OGN: variants seen among roughly 807,000 people sequenced by gnomAD.
OGN encodes mimecan.
In OGN, 19 loss-of-function variants were observed where a neutral mutation model predicts 30.8. That is an observed-to-expected ratio of 0.62 (90% confidence interval 0.43 to 0.90). The LOEUF (loss-of-function observed/expected upper bound fraction) is 0.90. Among genes scored for constraint, OGN ranks in the 40% least tolerant of loss-of-function variants. The pLI is 0.00. For missense variants in OGN, 283 were observed against 349.7 expected, an observed-to-expected ratio of 0.81 and a Z score of 1.52; for synonymous variants, 126 against 128.3, an observed-to-expected ratio of 0.98 and a Z score of 0.12.
chr9:92,399,605 C>T (rs1843026764), intron 3 of OGN, among the ~76,000 whole-genome samples: 1 of 152,140 alleles, frequency 6.6e-6, no homozygotes, highest in Non-Finnish European at 1.5e-5. Flanking sequence ...TTGAGGCACC[C>T]TGCACCCAGA....
chr9:92,385,654 C>G lies in OGN; in HGVS notation c.863G>C (p.Cys288Ser). The G allele has an allele frequency of 6.2e-7, 1 of 1,614,032 alleles. No individual in the cohort carries two copies. The highest frequency in any genetic ancestry group is 8.5e-7 in the Non-Finnish European group (1 of 1,179,972). The change falls in exon 7 of 7, where the codon TGC (cysteine) becomes TCC (serine). Residue 288 changes from cysteine to serine, a missense_variant. Coordinates refer to ENST00000375561, the MANE Select transcript of OGN (RefSeq NM_014057.5). ...VLGKHPNSFI[C>S]LKRLPIGSYF The stretch of plus-strand genomic sequence containing the variant: ...TGACCCTATCGGTAATCTTTTTAAG[C>G]AAATAAAACTGTTTGGATGCTTTCC...
At chr9:92,399,657 A>G (rs1843028443) in intron 3 of OGN, among the ~76,000 whole-genome samples, 1 of 152,086 alleles carries the variant, frequency 6.6e-6, no homozygotes, top group Non-Finnish European at 1.5e-5. Context: ...ATACATTCAG[A>G]TTGCTAATCT....
intron 3 of OGN, among the ~76,000 whole-genome samples, chr9:92,399,394 C>T (rs375015797): frequency 4.6e-5 from 7 of 151,756 alleles, no homozygotes; most frequent in South Asian, 2.1e-4. Flanking sequence ...CTCTTTTCCT[C>T]GATTTTTAAG....
intron 1 of OGN, among the ~76,000 whole-genome samples, chr9:92,403,956 AGAATATAG>A (rs1239203135): frequency 1.3e-5 from 2 of 152,212 alleles, no homozygotes; most frequent in Non-Finnish European, 2.9e-5. Context: ...TAGGTGGTAC[AGAATATAG>A]GAAAAGCCAT....
chr9:92,402,646 A>G (rs937723623), intron 2 of OGN, among the ~76,000 whole-genome samples: 2 of 152,214 alleles, frequency 1.3e-5, no homozygotes, highest in Non-Finnish European at 2.9e-5. Context: ...AGACAGTTAC[A>G]GTTACTTGGT....
intron 3 of OGN, among the ~76,000 whole-genome samples, chr9:92,398,491 C>T (rs1280685166): frequency 6.6e-6 from 1 of 151,886 alleles, no homozygotes; most frequent in Non-Finnish European, 1.5e-5. Context: ...TTTCTTATAT[C>T]CTTTTCTTTC....
In OGN at chr9:92,385,595, C is replaced by G; in HGVS notation, c.*25G>C. The G allele has an allele frequency of 6.2e-7, 1 of 1,602,198 alleles. No homozygotes were observed. The highest frequency in any genetic ancestry group is 8.5e-7 in the Non-Finnish European group (1 of 1,169,890). ...CAGACTATTAGTGTAGGTGTACTTTCATTTATATGTTGTACCAATAGAGGT... is the reference window on the plus strand; with the variant it reads ...CAGACTATTAGTGTAGGTGTACTTTGATTTATATGTTGTACCAATAGAGGT... On this transcript the variant is annotated 3_prime_UTR_variant, in exon 7 of 7. Transcript: ENST00000375561.
intron 1 of OGN, among the ~76,000 whole-genome samples, chr9:92,404,051 T>G (rs1449130880): frequency 2.6e-5 from 4 of 152,214 alleles, no homozygotes. Context: ...ATTTTTAATT[T>G]AAGCTAAGAA....
rs758324112 is a variant in OGN at position 92,384,880 on chromosome 9, A to T, written c.*740T>A. On this transcript the variant is annotated 3_prime_UTR_variant, in exon 7 of 7. Transcript: ENST00000375561. ...ACTTTTCATTATTTCTTATAAGCAT[A>T]TTGGTTTTGGCCTGCTTGAGTTTAA... 6.6e-6 allele frequency: 1 copy of T among 152,478 alleles called. No homozygotes were observed. Among genetic ancestry groups the T allele is most frequent in the Non-Finnish European group, 1.5e-5 (1 of 67,996 alleles). The allele number at this position is 152,478 out of a possible 1,614,324, so 9.4% of individuals were successfully genotyped here.
chr9:92,389,884 C>G lies in OGN; in HGVS notation c.600G>C (p.Lys200Asn). The change falls in exon 5 of 7, where the codon AAG becomes AAC. Residue 200 changes from lysine (K) to asparagine (N), a missense_variant. Coordinates refer to ENST00000375561, the MANE Select transcript of OGN (RefSeq NM_014057.5). ...ATGCATTTGCTTTGATTCCCCTACT[C>G]TTGATTTTGTTGTATTTTGCATTAA... is the stretch of plus-strand genomic sequence containing the variant. ...TLFNAKYNKIKSRGIKANAFK... is the reference protein window; with the variant it reads ...TLFNAKYNKINSRGIKANAFK... 6.2e-7 allele frequency: 1 copy of G among 1,612,640 alleles called. No homozygotes were observed. Among genetic ancestry groups the G allele is most frequent in the Non-Finnish European group, 8.5e-7 (1 of 1,179,194 alleles).
rs369320965 is a variant in OGN, at chr9:92,386,309, T to C, written c.631-13A>G. On this transcript the variant is annotated splice_polypyrimidine_tract_variant and intron_variant, in intron 5 of 6. Transcript: ENST00000375561. ...GGTTATTCAGTTTCTGTAAGGAAAA[T>C]TTCATGTGAGTGTTATTGAGGTTCT... 65 of 1,560,706 alleles carry C rather than the reference T, an allele frequency of 4.2e-5. No individual in the cohort carries two copies. The African/African-American group carries it at 7.6e-4, about 18-fold the overall frequency.
chr9:92,383,954 TA>T lies in OGN; in HGVS notation c.*1665del, dbSNP rs1376615067. 6.6e-6 allele frequency: 1 copy of T among 152,168 alleles called. No homozygotes were observed. Among genetic ancestry groups the T allele is most frequent in the Non-Finnish European group, 1.5e-5 (1 of 67,986 alleles). 9.4% of individuals were successfully genotyped at this position (152,168 alleles called of 1,614,324 possible). A position where few individuals can be genotyped will look rare whatever the true frequency, so the allele number is the denominator to read the frequency against. On this transcript the variant is annotated 3_prime_UTR_variant, in exon 7 of 7. Transcript: ENST00000375561. ...AGTTTAAAGATTCAATTTTTCCAAA[TA>T]AAACAGAACCCTTCTATTTAGATGG...
intron 3 of OGN, among the ~76,000 whole-genome samples, chr9:92,394,690 C>T (rs532881515): frequency 4.0e-5 from 6 of 150,126 alleles, no homozygotes; most frequent in East Asian, 2.0e-4. Context: ...CTGCAGTCTC[C>T]GCCTCCCGGG....
At chr9:92,393,015 A>T in intron 4 of OGN, 71 bp downstream of exon 4, 1 of 1,275,024 alleles carries the variant, frequency 7.8e-7, no homozygotes, top group Non-Finnish European at 1.1e-6. Context: ...GCAACTATAT[A>T]GAAACTTGTG....
intron 3 of OGN, 37 bp downstream of exon 3, chr9:92,401,055 A>C: frequency 1.0e-6 from 1 of 971,680 alleles, no homozygotes; most frequent in Non-Finnish European, 1.6e-6. Flanking sequence ...AGCTATTTTT[A>C]AAAGATCCAT....
chr9:92,387,419 A>G (rs1842480522), intron 5 of OGN, among the ~76,000 whole-genome samples: 1 of 152,084 alleles, frequency 6.6e-6, no homozygotes. Context: ...ATGTTTCCCA[A>G]AGCAGTTTAG....
At position 92,383,387 on chromosome 9, in the gene OGN, A is replaced by G. The variant is rs535551872; in HGVS notation, c.*2233T>C. Reference sequence around the variant, plus strand: ...GTTCAGTCTGCATATCATATTGGATAGTATTGTTGTCTTAACAACATTAAA... The same window carrying G: ...GTTCAGTCTGCATATCATATTGGATGGTATTGTTGTCTTAACAACATTAAA... On this transcript the variant is annotated 3_prime_UTR_variant, in exon 7 of 7. Transcript: ENST00000375561. Among the ~76,000 whole-genome samples, 6 of 152,342 alleles carry G rather than the reference A, an allele frequency of 3.9e-5. No individual in the cohort carries two copies. Among genetic ancestry groups the G allele is most frequent in the African/African-American group, 1.4e-4 (6 of 41,578 alleles).
intron 3 of OGN, among the ~76,000 whole-genome samples, chr9:92,396,137 A>G (rs2130912649): frequency 6.6e-6 from 1 of 152,108 alleles, no homozygotes; most frequent in East Asian, 1.9e-4. Flanking sequence ...TCCCCATTGA[A>G]TTGTATTGTC....
In OGN at chr9:92,393,114, C is replaced by T; in HGVS notation, c.399G>A (p.Lys133=). ...TGTCTGCAAAATCTTTGGCAGTCAG[C>T]TTTTTAATTTTGTTGAATCGTGCGT... The part of the protein sequence containing the change: ...YLYARFNKIK[K]LTAKDFADIP... Residue 133 remains lysine, a synonymous_variant, in exon 4 of 7, where the codon AAG becomes AAA. Coordinates refer to ENST00000375561, the MANE Select transcript of OGN (RefSeq NM_014057.5). 6.2e-7 allele frequency: 1 copy of T among 1,613,508 alleles called. No homozygotes were observed.
Sources: allele counts gnomAD v4.1 joint callset (sites outside exome capture counted in the v4.1 genomes callset), GRCh38; gene constraint gnomAD v4.1.1; transcripts MANE v1.5; gene names NCBI Gene and HGNC (gene_info 2026-07-23, HGNC 2026-07-21).